DOCK2: variants seen among roughly 807,000 people sequenced by gnomAD.
The protein encoded by DOCK2 is dedicator of cytokinesis protein 2.
A neutral mutation model predicts 248.9 loss-of-function variants in DOCK2; 87 were observed. That is an observed-to-expected ratio of 0.35 (90% CI 0.29 to 0.42). The LOEUF (loss-of-function observed/expected upper bound fraction) is 0.42, where lower values mean the gene tolerates loss of function less well. DOCK2 is among the 10% of genes least tolerant of loss of function. The probability of loss-of-function intolerance (pLI) is 1.00; values close to 1 mark genes in which losing one functional copy is unlikely to be tolerated. For missense variants in DOCK2, 1,747 were observed against 2,300.2 expected (o/e 0.76, Z 4.92); for synonymous variants, 805 against 821.6 (o/e 0.98, Z 0.35).
intron 41 of DOCK2, among the ~76,000 whole-genome samples, chr5:170,053,508 C>G (rs921885471): frequency 6.6e-6 from 1 of 152,220 alleles, no homozygotes; most frequent in Non-Finnish European, 1.5e-5. Flanking sequence ...GAAAACTCTT[C>G]TTAGCCTCTG....
intron 30 of DOCK2, 48 bp from the exon 31 acceptor site, chr5:170,008,449 C>T (rs1234120717): frequency 6.3e-7 from 1 of 1,599,822 alleles, no homozygotes. Context: ...CTTATGCCTT[C>T]CCGCTTCAGA....
chr5:170,003,488 A>G (rs1213251473), intron 30 of DOCK2, among the ~76,000 whole-genome samples: 2 of 152,266 alleles, frequency 1.3e-5, no homozygotes, highest in Non-Finnish European at 2.9e-5. Context: ...CAAATCAGGA[A>G]GTGATCAGGC....
intron 25 of DOCK2, among the ~76,000 whole-genome samples, chr5:169,785,821 T>A (rs544455634): frequency 2.6e-5 from 4 of 152,140 alleles, no homozygotes; most frequent in Non-Finnish European, 5.9e-5. Context: ...CCATTAGTGT[T>A]TTTTTGTGGA....
intron 26 of DOCK2, among the ~76,000 whole-genome samples, chr5:169,826,061 C>T (rs757631316): frequency 6.6e-6 from 1 of 152,040 alleles, no homozygotes; most frequent in Non-Finnish European, 1.5e-5. Context: ...GACAATGTTA[C>T]TCACCCATCC....
chr5:169,734,836 A>G (rs2113638786), intron 22 of DOCK2, among the ~76,000 whole-genome samples: 1 of 152,196 alleles, frequency 6.6e-6, no homozygotes, highest in South Asian at 2.1e-4. Context: ...CCTAGGATTG[A>G]TCTCATTTCT....
At chr5:169,965,030 C>T (rs1777242795) in intron 27 of DOCK2, among the ~76,000 whole-genome samples, 1 of 152,192 alleles carries the variant, frequency 6.6e-6, no homozygotes, top group Admixed American at 6.5e-5. Context: ...TCAATTCATT[C>T]AATCGCCAAA....
chr5:169,692,169 G>A (rs1760343475), intron 9 of DOCK2, among the ~76,000 whole-genome samples: 2 of 152,064 alleles, frequency 1.3e-5, no homozygotes, highest in South Asian at 2.1e-4. Context: ...CCTCTGTTTT[G>A]TAAGGGTTTA....
Position 169,827,320 on chromosome 5 carries a change from C to T in DOCK2, c.2704-13437C>T, listed in dbSNP as rs376094412. Among the ~76,000 whole-genome samples the T allele has an allele frequency of 2.0e-5, 3 of 152,162 alleles. No individual in the cohort carries two copies. The East Asian group carries it at 5.8e-4, about 29-fold the overall frequency. ...CTGCAACCTGCTGTTTAGGCAGCTTCTCAAGGATCTCAGTTCACTTCAGGC... is the reference window on the plus strand; with the variant it reads ...CTGCAACCTGCTGTTTAGGCAGCTTTTCAAGGATCTCAGTTCACTTCAGGC... On this transcript the variant is annotated intron_variant, in intron 26 of 51. Transcript: ENST00000520908.
At chr5:169,747,809 C>T (rs538446886) in intron 23 of DOCK2, among the ~76,000 whole-genome samples, 1 of 152,310 alleles carries the variant, frequency 6.6e-6, no homozygotes, top group South Asian at 2.1e-4. Flanking sequence ...GTCTCTTAAA[C>T]TGAGTTTAAT....
chr5:169,776,086 A>G (rs2113785804), intron 25 of DOCK2, among the ~76,000 whole-genome samples: 1 of 150,972 alleles, frequency 6.6e-6, no homozygotes, highest in African/African-American at 2.4e-5. Context: ...TTTAGAGGAA[A>G]CCATTGTTTA....
At chr5:169,837,113 A>G (rs773082064) in intron 26 of DOCK2, among the ~76,000 whole-genome samples, 2 of 152,184 alleles carry the variant, frequency 1.3e-5, no homozygotes, top group East Asian at 1.9e-4. Flanking sequence ...TGAGCTCTGC[A>G]TAAGACTTCA....
chr5:169,671,039 G>T lies in DOCK2; in HGVS notation c.225-39G>T, dbSNP rs748368554. 4.4e-6 allele frequency: 7 copies of T among 1,576,618 alleles called. No individual in the cohort carries two copies. The African/African-American group carries it at 5.4e-5, about 12-fold the overall frequency. On this transcript the variant is annotated intron_variant, in intron 4 of 51. Coordinates refer to ENST00000520908, the MANE Select transcript of DOCK2 (RefSeq NM_004946.3). ...GGTGTTTTATCTTGTTAGCACCTGGGTCTCAATTTCACACCACTTTTTCTC... is the reference window on the plus strand; with the variant it reads ...GGTGTTTTATCTTGTTAGCACCTGGTTCTCAATTTCACACCACTTTTTCTC...
At chr5:169,938,896 C>CTTT (rs540935886) in intron 27 of DOCK2, among the ~76,000 whole-genome samples, 146 of 145,008 alleles carry the variant, frequency 1.0e-3, no homozygotes, top group African/African-American at 3.7e-3. Context: ...ATTTTTCTTT[C>CTTT]TTTTTTTTCT....
chr5:170,073,793 G>A (rs1282738295), intron 46 of DOCK2, among the ~76,000 whole-genome samples: 1 of 151,966 alleles, frequency 6.6e-6, no homozygotes, highest in Non-Finnish European at 1.5e-5. Flanking sequence ...TTGTAATTAT[G>A]TTTTTCAATC....
intron 30 of DOCK2, among the ~76,000 whole-genome samples, chr5:169,997,321 T>C (rs1581515034): frequency 7.2e-6 from 1 of 138,554 alleles, no homozygotes; most frequent in East Asian, 2.1e-4. Flanking sequence ...TACCGAGACA[T>C]TCCATTGCCC....
chr5:169,759,764 G>C lies in DOCK2; in HGVS notation c.2436G>C (p.Ala812=), dbSNP rs761164114. Residue 812 remains alanine, a synonymous_variant, in exon 24 of 52, where the codon GCG becomes GCC. Transcript: ENST00000520908. ...VLHDVEMVFD[A]KLLSQLLYEF... is the part of the protein sequence containing the mutation. ...ATGATGTAGAAATGGTCTTTGATGC[G>C]AAGTTACTCAGGTGAGAGCTCATGT... 5 of 1,613,930 alleles carry C rather than the reference G, an allele frequency of 3.1e-6. No individual in the cohort carries two copies. Among genetic ancestry groups the C allele is most frequent in the Non-Finnish European group, 4.2e-6 (5 of 1,179,864 alleles).
At chr5:170,037,425 T>C (rs2113839839) in intron 36 of DOCK2, among the ~76,000 whole-genome samples, 1 of 152,044 alleles carries the variant, frequency 6.6e-6, no homozygotes, top group Middle Eastern at 3.4e-3. Flanking sequence ...AATCCTATAT[T>C]GTTGAACATT....
intron 15 of DOCK2, among the ~76,000 whole-genome samples, chr5:169,711,334 C>T (rs1409740913): frequency 1.3e-5 from 2 of 152,142 alleles, no homozygotes; most frequent in African/African-American, 4.8e-5. Flanking sequence ...TCAGTGGTAC[C>T]AGTGGGTCAT....
At chr5:169,947,227 C>G (rs1321307035) in intron 27 of DOCK2, among the ~76,000 whole-genome samples, 1 of 152,222 alleles carries the variant, frequency 6.6e-6, no homozygotes, top group Non-Finnish European at 1.5e-5. Context: ...GTACTCTTAA[C>G]CTGTACATTA....
Sources: allele counts gnomAD v4.1 joint callset (sites outside exome capture counted in the v4.1 genomes callset), GRCh38; gene constraint gnomAD v4.1.1; transcripts MANE v1.5; gene names NCBI Gene and HGNC (gene_info 2026-07-23, HGNC 2026-07-21).